Variants in DCUN1D4 observed in about 807,000 individuals in gnomAD.
The protein encoded by DCUN1D4 is defective in cullin neddylation 1 domain containing 4, also known as DCN1-like protein 4.
In DCUN1D4, 22 loss-of-function variants were observed where a neutral mutation model predicts 47.9. The ratio of observed to expected loss-of-function variants is 0.46; its 90% CI spans 0.33 to 0.66. The LOEUF (loss-of-function observed/expected upper bound fraction) is 0.66. DCUN1D4 is among the 30% of genes least tolerant of loss of function. The pLI is 0.02. For synonymous variants in DCUN1D4, 121 were observed against 112.2 expected (o/e 1.08, Z -0.50); for missense variants, 301 against 340.8 (o/e 0.88, Z 0.92).
rs1304819963 is a variant in DCUN1D4, at chr4:51,843,257, C to T, written c.15C>T (p.Ala5=). The T allele has an allele frequency of 1.9e-6, 3 of 1,541,726 alleles. No individual in the cohort carries two copies. Among genetic ancestry groups the T allele is most frequent in the South Asian group, 1.2e-5 (1 of 82,916 alleles). MHSD[A]AAVNFQLNSH... ...GCTGCCTGAAAATGCACTCGGATGC[C>T]GCCGCTGTCAGTGAGTAGCAGAGAG... is the stretch of plus-strand genomic sequence containing the variant. The change falls in exon 1 of 11, where the codon GCC becomes GCT. Residue 5 remains alanine, a synonymous_variant. Transcript: ENST00000334635.
At chr4:51,885,402 G>A (rs1240525637) in intron 5 of DCUN1D4, among the ~76,000 whole-genome samples, 2 of 152,192 alleles carry the variant, frequency 1.3e-5, no homozygotes, top group African/African-American at 4.8e-5. Context: ...AAGACTCCCA[G>A]GTTTCTATTT....
chr4:51,889,465 A>G (rs1730078481), intron 6 of DCUN1D4, among the ~76,000 whole-genome samples: 1 of 152,228 alleles, frequency 6.6e-6, no homozygotes, highest in African/African-American at 2.4e-5. Context: ...TTATTTAAGT[A>G]CTTAGATTTC....
chr4:51,887,646 G>C (rs1729716412), intron 6 of DCUN1D4, among the ~76,000 whole-genome samples: 1 of 152,188 alleles, frequency 6.6e-6, no homozygotes, highest in African/African-American at 2.4e-5. Flanking sequence ...CAATGAATTT[G>C]TGATCTGGGA....
In DCUN1D4 at chr4:51,915,059, G is replaced by A. The variant is rs1475281320; in HGVS notation, c.*1475G>A. ...GACTGGAAAAAGGTTTGGGTTATTT[G>A]GAACTCTGGCTAAAACTTCTTTCGG... On this transcript the variant is annotated 3_prime_UTR_variant, in exon 11 of 11. Coordinates refer to ENST00000334635, the MANE Select transcript of DCUN1D4 (RefSeq NM_001040402.3). 6.6e-6 allele frequency: 1 copy of A among 152,428 alleles called. No individual in the cohort carries two copies. Among genetic ancestry groups the A allele is most frequent in the Non-Finnish European group, 1.5e-5 (1 of 67,982 alleles). The allele number at this position is 152,428 out of a possible 1,614,324, so 9.4% of individuals were successfully genotyped here. A position where few individuals can be genotyped will look rare whatever the true frequency, so the allele number is the denominator to read the frequency against.
intron 3 of DCUN1D4, among the ~76,000 whole-genome samples, chr4:51,866,981 C>T (rs1319250157): frequency 6.6e-6 from 1 of 152,234 alleles, no homozygotes; most frequent in East Asian, 1.9e-4. Context: ...CTGGATCCCA[C>T]ACCTGCCAAG....
Position 51,895,559 on chromosome 4 carries a change from TAAAAAAAAA to T in DCUN1D4, c.507-3690_507-3682del, listed in dbSNP as rs67542268. Among the ~76,000 whole-genome samples, 300 of 88,506 alleles carry T rather than the reference TAAAAAAAAA, an allele frequency of 3.4e-3. 2 individuals carry two copies. The highest frequency in any genetic ancestry group is 9.9e-3 in the East Asian group (33 of 3,342). 58.1% of individuals were successfully genotyped at this position (88,506 alleles called of 152,430 possible). A position where few individuals can be genotyped will look rare whatever the true frequency, so the allele number is the denominator to read the frequency against. On this transcript the variant is annotated intron_variant, in intron 7 of 10. Coordinates refer to ENST00000334635, the MANE Select transcript of DCUN1D4 (RefSeq NM_001040402.3). ...TTAAGCTAATTGTGGTGCTTAAACT[TAAAAAAAAA>T]AAAAAAAAAAAAAAAAAAAACAGTG...
intron 3 of DCUN1D4, among the ~76,000 whole-genome samples, chr4:51,873,956 T>C (rs1055155956): frequency 6.6e-6 from 1 of 152,190 alleles, no homozygotes; most frequent in Non-Finnish European, 1.5e-5. Context: ...TGAGAGAACA[T>C]TGACATATAA....
chr4:51,905,353 C>A, intron 8 of DCUN1D4: 1 of 302,424 alleles, frequency 3.3e-6, no homozygotes, highest in South Asian at 2.7e-5. Flanking sequence ...CATTGCTTTC[C>A]CTCCACAAAG....
chr4:51,864,708 C>G (rs1725626050), intron 3 of DCUN1D4, among the ~76,000 whole-genome samples: 1 of 152,190 alleles, frequency 6.6e-6, no homozygotes, highest in South Asian at 2.1e-4. Flanking sequence ...AATGAGGGCT[C>G]TACCTCCCTG....
intron 3 of DCUN1D4, among the ~76,000 whole-genome samples, chr4:51,867,025 G>A (rs1461311933): frequency 5.3e-5 from 8 of 152,240 alleles, no homozygotes. Flanking sequence ...CACGGTGTGT[G>A]GGTGAGCAAG....
At chr4:51,835,668 G>C in the DCUN1D4 span, among the ~76,000 whole-genome samples, 4 of 152,080 alleles carry the variant, frequency 2.6e-5, no homozygotes, top group Non-Finnish European at 4.4e-5. Context: ...GAGGTCTGGG[G>C]CATTTCTGGG....
intron 6 of DCUN1D4, among the ~76,000 whole-genome samples, 184 bp from the exon 7 acceptor site, chr4:51,891,576 T>C (rs1730433454): frequency 1.3e-5 from 2 of 152,202 alleles, no homozygotes; most frequent in Admixed American, 1.3e-4. Context: ...TATTGTCAAC[T>C]TTTTTAGATG....
intron 3 of DCUN1D4, among the ~76,000 whole-genome samples, chr4:51,866,916 T>A (rs1726029847): frequency 6.6e-6 from 1 of 152,216 alleles, no homozygotes; most frequent in Admixed American, 6.5e-5. Flanking sequence ...CTGTGTCTGC[T>A]GGGCTCCTTC....
intron 5 of DCUN1D4, among the ~76,000 whole-genome samples, chr4:51,883,294 A>G (rs948260090): frequency 4.6e-5 from 7 of 152,194 alleles, no homozygotes; most frequent in Non-Finnish European, 2.9e-5. Context: ...CCAGGAGGAT[A>G]CTATCATGTC....
intron 1 of DCUN1D4, among the ~76,000 whole-genome samples, chr4:51,857,072 T>C (rs1724250283): frequency 6.6e-6 from 1 of 152,176 alleles, no homozygotes. Flanking sequence ...CAAAATCTGA[T>C]TGGCATGTGG....
At chr4:51,842,908 C>G (rs1721823978), upstream of DCUN1D4, 2 of 481,782 alleles carry the variant, frequency 4.2e-6, no homozygotes, top group South Asian at 1.4e-4. Flanking sequence ...CTGGGGGTGA[C>G]TGACAGCAGC....
intron 8 of DCUN1D4, among the ~76,000 whole-genome samples, chr4:51,908,340 G>T (rs563154437): frequency 1.3e-5 from 2 of 152,204 alleles, no homozygotes; most frequent in South Asian, 2.1e-4. Context: ...TCAAGAGGTG[G>T]GTAGGGAGAG....
chr4:51,854,401 A>C (rs1237398643), intron 1 of DCUN1D4, among the ~76,000 whole-genome samples: 1 of 152,180 alleles, frequency 6.6e-6, no homozygotes, highest in African/African-American at 2.4e-5. Context: ...ATGTACTATG[A>C]TCTTTGAGTG....
At chr4:51,893,196 A>G (rs916480175) in intron 7 of DCUN1D4, among the ~76,000 whole-genome samples, 1 of 152,168 alleles carries the variant, frequency 6.6e-6, no homozygotes, top group Non-Finnish European at 1.5e-5. Context: ...TCTTCCTTCT[A>G]ACAATATTAT....
Sources: gnomAD v4.1 joint callset for allele counts (sites outside exome capture counted in the v4.1 genomes callset) on GRCh38, gnomAD v4.1.1 for gene constraint, MANE v1.5 for transcripts, NCBI Gene and HGNC (gene_info 2026-07-23, HGNC 2026-07-21) for gene names.